Variants in PITPNC1 observed in about 807,000 individuals in gnomAD.
PITPNC1 encodes cytoplasmic phosphatidylinositol transfer protein 1.
In PITPNC1, 18 loss-of-function variants were observed where a neutral mutation model predicts 44.7. The ratio of observed to expected loss-of-function variants is 0.40; its 90% confidence interval spans 0.28 to 0.60. The LOEUF is 0.60. PITPNC1 is among the 20% of genes least tolerant of loss of function. PITPNC1 has a pLI of 0.39. For synonymous variants in PITPNC1, 141 were observed against 149.6 expected (o/e 0.94, Z 0.42); for missense variants, 290 against 418.4 (o/e 0.69, Z 2.68).
At chr17:67,442,548 A>C (rs1037352598) in intron 1 of PITPNC1, among the ~76,000 whole-genome samples, 3 of 151,830 alleles carry the variant, frequency 2.0e-5, no homozygotes, top group African/African-American at 7.2e-5. Context: ...TTGATTAAAA[A>C]AAAATGCATT....
At chr17:67,650,471 T>C (rs12451819) in intron 6 of PITPNC1, among the ~76,000 whole-genome samples, 6,302 of 121,032 alleles carry the variant, frequency 0.052, 244 homozygotes, top group East Asian at 0.21. Context: ...TTTTTTGAGA[T>C]GGAACCTTGC....
intron 4 of PITPNC1, among the ~76,000 whole-genome samples, chr17:67,556,980 GC>G (rs2040845670): frequency 6.6e-6 from 1 of 152,186 alleles, no homozygotes; most frequent in African/African-American, 2.4e-5. Flanking sequence ...AGAGAAGGTC[GC>G]ATTTGGGCTG....
chr17:67,663,183 C>A (rs940673910), intron 6 of PITPNC1, among the ~76,000 whole-genome samples: 2 of 152,172 alleles, frequency 1.3e-5, no homozygotes, highest in Non-Finnish European at 2.9e-5. Flanking sequence ...TGTTGTGTAT[C>A]TGATACAGGC....
At chr17:67,634,874 G>T (rs1269890834) in intron 6 of PITPNC1, among the ~76,000 whole-genome samples, 1 of 152,142 alleles carries the variant, frequency 6.6e-6, no homozygotes, top group African/African-American at 2.4e-5. Context: ...CCAACAGAAT[G>T]AAACCCCAAC....
At chr17:67,434,808 A>T (rs868513319) in intron 1 of PITPNC1, among the ~76,000 whole-genome samples, 181 of 8,202 alleles carry the variant, frequency 0.022, 2 homozygotes, top group Non-Finnish European at 0.034. Context: ...AAAAAAAAAA[A>T]AAAAATAAAA....
chr17:67,420,761 T>G (rs944165085), intron 1 of PITPNC1, among the ~76,000 whole-genome samples: 1 of 152,160 alleles, frequency 6.6e-6, no homozygotes, highest in Non-Finnish European at 1.5e-5. Context: ...GTGTTTTTAT[T>G]TCCATTGCAT....
intron 5 of PITPNC1, among the ~76,000 whole-genome samples, chr17:67,626,913 C>T (rs1598903830): frequency 2.0e-5 from 3 of 151,990 alleles, no homozygotes; most frequent in South Asian, 4.2e-4. Context: ...TCTGTTAGTT[C>T]TCCAGGCACT....
At chr17:67,554,341 T>G (rs113260366) in intron 4 of PITPNC1, among the ~76,000 whole-genome samples, 3,364 of 150,994 alleles carry the variant, frequency 0.022, 112 homozygotes, top group African/African-American at 0.078. Flanking sequence ...AACAGAAACT[T>G]TCACCTACCG....
chr17:67,427,689 C>T (rs1354556364), intron 1 of PITPNC1, among the ~76,000 whole-genome samples: 1 of 152,196 alleles, frequency 6.6e-6, no homozygotes, highest in Non-Finnish European at 1.5e-5. Context: ...TCCATCACTC[C>T]TACAGCTAAA....
intron 5 of PITPNC1, among the ~76,000 whole-genome samples, chr17:67,629,523 G>A (rs897065128): frequency 4.6e-5 from 7 of 152,114 alleles, no homozygotes; most frequent in African/African-American, 9.7e-5. Flanking sequence ...CAACCCGCCC[G>A]ACATCAGCCT....
At chr17:67,454,357 C>T (rs991553344) in intron 1 of PITPNC1, among the ~76,000 whole-genome samples, 21 of 152,016 alleles carry the variant, frequency 1.4e-4, no homozygotes, top group African/African-American at 5.1e-4. Context: ...TCACTACTTA[C>T]ATAACCCATC....
At chr17:67,474,860 CT>C (rs1346474030) in intron 1 of PITPNC1, among the ~76,000 whole-genome samples, 1 of 151,730 alleles carries the variant, frequency 6.6e-6, no homozygotes, top group Non-Finnish European at 1.5e-5. Flanking sequence ...CACTGTGTTG[CT>C]CAGGCTGGTC....
chr17:67,483,918 CTTTT>C (rs60856668), intron 1 of PITPNC1, among the ~76,000 whole-genome samples: 1 of 111,740 alleles, frequency 8.9e-6, no homozygotes, highest in African/African-American at 3.2e-5. Context: ...CGTTTTCTTT[CTTTT>C]TTTTTTTTTT....
chr17:67,669,576 T>C lies in PITPNC1; in HGVS notation c.531T>C (p.His177=). The C allele has an allele frequency of 2.5e-6, 4 of 1,604,076 alleles. No individual in the cohort carries two copies. The highest frequency in any genetic ancestry group is 3.4e-6 in the Non-Finnish European group (4 of 1,172,470). Residue 177 remains histidine, a synonymous_variant, in exon 7 of 9, where the codon CAT becomes CAC. Coordinates refer to ENST00000581322, the MANE Select transcript of PITPNC1 (RefSeq NM_012417.4). ...TGAGGGAAGGCTGGAGAGATAGTCA[T>C]CAGCCTATCATGTGCTCCTACAAGC... ...GQLREGWRDS[H]QPIMCSYKLV... is the part of the protein sequence containing the mutation.
chr17:67,409,643 A>G (rs1248903267), intron 1 of PITPNC1, among the ~76,000 whole-genome samples: 30 of 151,534 alleles, frequency 2.0e-4, no homozygotes, highest in Admixed American at 1.8e-3. Flanking sequence ...GGTTCAAGCG[A>G]TTCTCCTGTG....
intron 2 of PITPNC1, among the ~76,000 whole-genome samples, chr17:67,547,466 C>T (rs1022640964): frequency 1.3e-5 from 2 of 152,070 alleles, no homozygotes; most frequent in Non-Finnish European, 1.5e-5. Flanking sequence ...CAGTGAGATA[C>T]GATCATGCCA....
intron 1 of PITPNC1, among the ~76,000 whole-genome samples, chr17:67,450,900 G>A (rs1201997405): frequency 6.6e-6 from 1 of 152,028 alleles, no homozygotes; most frequent in African/African-American, 2.4e-5. Context: ...TTTATCCTAT[G>A]TTCTGCCTCT....
rs559661502 is a variant in PITPNC1 at position 67,668,756 on chromosome 17, G to T, written c.463-752G>T. ...GGGCACCTGTAGTCCCAGCTACTCG[G>T]GAGGCTAAGACAGGAGAATGGCGTG... is the stretch of plus-strand genomic sequence containing the variant. On this transcript the variant is annotated intron_variant, in intron 6 of 8. Coordinates refer to ENST00000581322, the MANE Select transcript of PITPNC1 (RefSeq NM_012417.4). Among the ~76,000 whole-genome samples the T allele has an allele frequency of 1.6e-4, 24 of 151,822 alleles. 1 individual carries two copies. The South Asian group carries it at 4.4e-3, about 28-fold the overall frequency.
chr17:67,635,633 T>G (rs2042023539), intron 6 of PITPNC1, among the ~76,000 whole-genome samples: 1 of 151,878 alleles, frequency 6.6e-6, no homozygotes, highest in Admixed American at 6.6e-5. Context: ...GGGAAAGGGG[T>G]TCAAGTCTGA....
Sources: allele counts gnomAD v4.1 joint callset (sites outside exome capture counted in the v4.1 genomes callset), GRCh38; gene constraint gnomAD v4.1.1; transcripts MANE v1.5; gene names NCBI Gene and HGNC (gene_info 2026-07-23, HGNC 2026-07-21).